Variants in CNTN6 observed in about 807,000 individuals in gnomAD.
CNTN6 encodes contactin-6.
In CNTN6, 137 loss-of-function variants were observed where a neutral mutation model predicts 122.8. The observed-to-expected ratio is 1.12, with a 90% CI of 0.97 to 1.29. The LOEUF (loss-of-function observed/expected upper bound fraction) is 1.29, where lower values mean the gene tolerates loss of function less well. Among genes scored for constraint, CNTN6 ranks in the 50% most tolerant of loss-of-function variants. The pLI, the probability that CNTN6 is intolerant of heterozygous loss-of-function variation, is 0.00. For synonymous variants in CNTN6, 570 were observed against 426.0 expected, an observed-to-expected ratio of 1.34 and a Z score of -4.16; for missense variants, 1,634 against 1,223.4, an observed-to-expected ratio of 1.34 and a Z score of -5.01.
intron 1 of CNTN6, among the ~76,000 whole-genome samples, chr3:1,111,633 A>G (rs1004767889): frequency 1.4e-4 from 22 of 152,304 alleles, no homozygotes; most frequent in Middle Eastern, 6.8e-3. Flanking sequence ...TATTCTGGTG[A>G]AACAGTGATG....
intron 11 of CNTN6, 54 bp from the exon 12 acceptor site, chr3:1,352,270 G>T: frequency 7.1e-7 from 1 of 1,398,716 alleles, no homozygotes; most frequent in South Asian, 1.7e-5. Context: ...AAGCACTTAT[G>T]ATTTACCAGT....
In CNTN6 at chr3:1,197,596, C is replaced by T. The variant is rs933294966; in HGVS notation, c.56-23091C>T. On this transcript the variant is annotated intron_variant, in intron 2 of 22. Coordinates refer to ENST00000446702, the MANE Select transcript of CNTN6 (RefSeq NM_001289080.2). ...TAGTGATGTAAGTCACACACATACA[C>T]ACCACATACAGGGTGATAAAATAGC... Among the ~76,000 whole-genome samples, 8 of 152,162 alleles carry T rather than the reference C, an allele frequency of 5.3e-5. No individual in the cohort carries two copies. The East Asian group carries it at 1.5e-3, about 29-fold the overall frequency.
At chr3:1,199,882 G>A (rs1293159036) in intron 2 of CNTN6, among the ~76,000 whole-genome samples, 1 of 151,986 alleles carries the variant, frequency 6.6e-6, no homozygotes, top group Non-Finnish European at 1.5e-5. Context: ...ACCACCAAAA[G>A]AAACAAATAA....
rs1323036664 is a variant in CNTN6, at chr3:1,365,681, CT to C, written c.1493-6614del. On this transcript the variant is annotated intron_variant, in intron 12 of 22. Coordinates refer to ENST00000446702, the MANE Select transcript of CNTN6 (RefSeq NM_001289080.2). ...AAAATTTTAAAAATAAATAAACTTA[CT>C]TTTAATGACAAAAACCGCAATTACT... is the stretch of plus-strand genomic sequence containing the variant. 1.6e-4 allele frequency among the ~76,000 whole-genome samples: 25 copies of C among 152,106 alleles called. 1 individual carries two copies. The highest frequency in any genetic ancestry group is 5.8e-4 in the African/African-American group (24 of 41,530).
intron 4 of CNTN6, among the ~76,000 whole-genome samples, chr3:1,244,728 G>C (rs566111107): frequency 6.6e-6 from 1 of 152,094 alleles, no homozygotes; most frequent in African/African-American, 2.4e-5. Context: ...GAGAGTCAGC[G>C]AAGGGAGATA....
intron 12 of CNTN6, among the ~76,000 whole-genome samples, chr3:1,371,212 G>A (rs1043320759): frequency 2.0e-5 from 3 of 152,112 alleles, no homozygotes; most frequent in Non-Finnish European, 2.9e-5. Context: ...TTCTTGAGCA[G>A]AATGAAGAAG....
At chr3:1,191,528 T>C (rs2093702456) in intron 2 of CNTN6, among the ~76,000 whole-genome samples, 1 of 152,190 alleles carries the variant, frequency 6.6e-6, no homozygotes, top group South Asian at 2.1e-4. Context: ...ATAGGACCCT[T>C]CTGGATCTCT....
chr3:1,283,979 A>G (rs1301165962), intron 5 of CNTN6, among the ~76,000 whole-genome samples: 2 of 152,230 alleles, frequency 1.3e-5, no homozygotes, highest in Non-Finnish European at 2.9e-5. Context: ...AGCCTGGGGG[A>G]CAAGAGTGAG....
chr3:1,130,389 G>C (rs768487298), intron 1 of CNTN6, among the ~76,000 whole-genome samples: 1 of 152,012 alleles, frequency 6.6e-6, no homozygotes, highest in African/African-American at 2.4e-5. Flanking sequence ...CCTAGGAAGC[G>C]TGCTTTCCTC....
At chr3:1,219,268 TGG>T (rs2094172300) in intron 2 of CNTN6, among the ~76,000 whole-genome samples, 1 of 152,130 alleles carries the variant, frequency 6.6e-6, no homozygotes, top group Admixed American at 6.5e-5. Flanking sequence ...TCAAGAGCAA[TGG>T]GACAGATAGA....
At chr3:1,222,610 G>A (rs1204325275) in intron 3 of CNTN6, among the ~76,000 whole-genome samples, 1 of 152,042 alleles carries the variant, frequency 6.6e-6, no homozygotes, top group Non-Finnish European at 1.5e-5. Flanking sequence ...TTGTTAAATG[G>A]CTTTTATTTC....
intron 4 of CNTN6, among the ~76,000 whole-genome samples, chr3:1,255,978 C>G (rs1559626704): frequency 1.3e-5 from 2 of 152,174 alleles, no homozygotes; most frequent in Non-Finnish European, 2.9e-5. Context: ...AAGAAATCCA[C>G]TCAGCTCAGT....
intron 20 of CNTN6, among the ~76,000 whole-genome samples, chr3:1,398,797 A>C (rs1449173198): frequency 6.6e-6 from 1 of 152,126 alleles, no homozygotes; most frequent in Non-Finnish European, 1.5e-5. Flanking sequence ...AACTCTTCTC[A>C]TCTCCCAGAG....
chr3:1,337,546 T>C (rs1194643838), intron 11 of CNTN6, among the ~76,000 whole-genome samples: 1 of 152,100 alleles, frequency 6.6e-6, no homozygotes, highest in East Asian at 1.9e-4. Flanking sequence ...ATAAACTTAA[T>C]TTTATTTTGT....
rs562912841 is a variant in CNTN6 at position 1,301,024 on chromosome 3, C to CTTTTTTTTT, written c.761+3055_761+3063dup. 4.7e-4 allele frequency among the ~76,000 whole-genome samples: 44 copies of CTTTTTTTTT among 93,270 alleles called. 1 individual carries two copies. The highest frequency in any genetic ancestry group is 1.2e-3 in the African/African-American group (27 of 23,112). 61.2% of individuals were successfully genotyped at this position (93,270 alleles called of 152,430 possible). ...AATTTATAATACAGGAGTCCCTAAACTTTTTTTTTTTTTTTTTTTTTTTTT... is the reference window on the plus strand; with the variant it reads ...AATTTATAATACAGGAGTCCCTAAACTTTTTTTTTTTTTTTTTTTTTTTTTTTTTTTTTT... On this transcript the variant is annotated intron_variant, in intron 7 of 22. Transcript: ENST00000446702.
intron 8 of CNTN6, 69 bp downstream of exon 8, chr3:1,321,903 C>A: frequency 1.5e-6 from 2 of 1,329,206 alleles, no homozygotes; most frequent in South Asian, 2.9e-5. Flanking sequence ...TTGTGGAAGT[C>A]ATTAGCATGT....
rs575481533 is a variant in CNTN6, at chr3:1,319,579, G to A, written c.762-2071G>A. Among the ~76,000 whole-genome samples the A allele has an allele frequency of 4.9e-4, 74 of 151,536 alleles. 1 individual carries two copies. The highest frequency in any genetic ancestry group is 8.3e-4 in the South Asian group (4 of 4,822). ...CAATATAAATAACTAAGAGCAGAGG[G>A]AAAAATACACAATTTTTACTTATAT... is the stretch of plus-strand genomic sequence containing the variant. On this transcript the variant is annotated intron_variant, in intron 7 of 22. Coordinates refer to ENST00000446702, the MANE Select transcript of CNTN6 (RefSeq NM_001289080.2).
At chr3:1,228,206 A>G (rs2094310249) in intron 4 of CNTN6, among the ~76,000 whole-genome samples, 1 of 152,186 alleles carries the variant, frequency 6.6e-6, no homozygotes, top group African/African-American at 2.4e-5. Context: ...GAAAAGATCA[A>G]TGTTATTATA....
intron 4 of CNTN6, among the ~76,000 whole-genome samples, chr3:1,238,774 C>A (rs2094449660): frequency 6.6e-6 from 1 of 151,964 alleles, no homozygotes; most frequent in Non-Finnish European, 1.5e-5. Context: ...AATTGGAAAT[C>A]AACTCCAAAA....
Sources: gnomAD v4.1 joint callset for allele counts (sites outside exome capture counted in the v4.1 genomes callset) on GRCh38, gnomAD v4.1.1 for gene constraint, MANE v1.5 for transcripts, NCBI Gene and HGNC (gene_info 2026-07-23, HGNC 2026-07-21) for gene names.